MBD2: variants seen among roughly 807,000 people sequenced by gnomAD.
MBD2 encodes the protein methyl-CpG binding domain protein 2.
A neutral mutation model predicts 39.3 loss-of-function variants in MBD2; 9 were observed. The observed-to-expected ratio is 0.23, with a 90% CI of 0.14 to 0.40. The LOEUF (loss-of-function observed/expected upper bound fraction) is 0.40. Among genes scored for constraint, MBD2 ranks in the 10% least tolerant of loss-of-function variants. MBD2 has a pLI of 1.00. For synonymous variants in MBD2, 233 were observed against 211.1 expected (o/e 1.10, Z -0.90); for missense variants, 458 against 532.6 (o/e 0.86, Z 1.38).
At chr18:54,161,038 A>C (rs1145309) in intron 5 of MBD2, among the ~76,000 whole-genome samples, 8,078 of 152,182 alleles carry the variant, frequency 0.053, 684 homozygotes, top group African/African-American at 0.18. Context: ...AATTCCCAAA[A>C]CTGGGACAGC....
chr18:54,218,913 G>C (rs138312678), intron 1 of MBD2, among the ~76,000 whole-genome samples: 2,119 of 149,956 alleles, frequency 0.014, 21 homozygotes, highest in Non-Finnish European at 0.02. Context: ...AGTGAGCTGA[G>C]ATTGCACCAC....
intron 1 of MBD2, among the ~76,000 whole-genome samples, chr18:54,214,181 T>C (rs1403596659): frequency 2.7e-5 from 4 of 150,046 alleles, no homozygotes; most frequent in Non-Finnish European, 4.4e-5. Context: ...ATTTTGTTTG[T>C]TTCTTTCTTT....
At chr18:54,186,658 T>C (rs931434200) in intron 3 of MBD2, among the ~76,000 whole-genome samples, 8 of 152,262 alleles carry the variant, frequency 5.3e-5, no homozygotes, top group East Asian at 1.9e-4. Flanking sequence ...AATTCTTACA[T>C]TGATGATAAA....
At chr18:54,216,313 G>A (rs911709216) in intron 1 of MBD2, among the ~76,000 whole-genome samples, 1 of 152,184 alleles carries the variant, frequency 6.6e-6, no homozygotes, top group Admixed American at 6.6e-5. Context: ...CAGGATGCTG[G>A]TAACTGCAGC....
chr18:54,214,427 G>T (rs971313657), intron 1 of MBD2, among the ~76,000 whole-genome samples: 6 of 152,020 alleles, frequency 3.9e-5, no homozygotes, highest in Admixed American at 1.3e-4. Flanking sequence ...TCAAACTCCT[G>T]TCTTCAAGTG....
At chr18:54,220,360 A>C (rs1022516693) in intron 1 of MBD2, among the ~76,000 whole-genome samples, 1 of 152,162 alleles carries the variant, frequency 6.6e-6, no homozygotes, top group Non-Finnish European at 1.5e-5. Context: ...CACTATCAGT[A>C]ATCCTGACAG....
At chr18:54,166,226 G>A (rs909112967) in intron 3 of MBD2, 60 bp from the exon 4 acceptor site, 35 of 946,506 alleles carry the variant, frequency 3.7e-5, no homozygotes, top group East Asian at 2.7e-4. Flanking sequence ...GTAGCGCATC[G>A]ATGCTGTTGA....
intron 3 of MBD2, among the ~76,000 whole-genome samples, chr18:54,184,357 T>C (rs978643853): frequency 6.6e-6 from 1 of 152,150 alleles, no homozygotes; most frequent in African/African-American, 2.4e-5. Context: ...CTAGGTTGCA[T>C]GCTCCTTATA....
chr18:54,178,213 C>T (rs374202334), intron 3 of MBD2, among the ~76,000 whole-genome samples: 4 of 152,034 alleles, frequency 2.6e-5, no homozygotes, highest in African/African-American at 9.7e-5. Context: ...TGACATTAAT[C>T]AACCACTAGA....
chr18:54,205,241 T>A, intron 1 of MBD2, 84 bp from the exon 2 acceptor site: 1 of 1,150,806 alleles, frequency 8.7e-7, no homozygotes. Flanking sequence ...CTACCCTCAA[T>A]TGATACCCCA....
At chr18:54,215,540 G>A (rs1347521034) in intron 1 of MBD2, among the ~76,000 whole-genome samples, 1 of 148,672 alleles carries the variant, frequency 6.7e-6, no homozygotes, top group Admixed American at 6.7e-5. Context: ...CCAGGCTGGA[G>A]TGCAGTGGCG....
chr18:54,216,275 AT>A (rs1568095130), intron 1 of MBD2, among the ~76,000 whole-genome samples: 1 of 152,232 alleles, frequency 6.6e-6, no homozygotes, highest in Non-Finnish European at 1.5e-5. Context: ...CAGCTATTCA[AT>A]ATTTGTATAC....
chr18:54,196,082 CTCA>C (rs778482196), intron 2 of MBD2, among the ~76,000 whole-genome samples: 4 of 152,146 alleles, frequency 2.6e-5, no homozygotes, highest in Non-Finnish European at 4.4e-5. Context: ...TACCACAAAA[CTCA>C]TCATTTTAAA....
chr18:54,206,128 C>G (rs1039022738), intron 1 of MBD2, among the ~76,000 whole-genome samples: 4 of 152,160 alleles, frequency 2.6e-5, no homozygotes, highest in African/African-American at 9.7e-5. Context: ...TGTGAACATG[C>G]TTGTACAATG....
rs1012071009 is a variant in MBD2 at position 54,154,794 on chromosome 18, G to A, written c.*530C>T. ...TAAATCAGAGGAAGGCTAACGAGGG[G>A]TTCTTTATTGTGTGTGCTTTTCAAC... On this transcript the variant is annotated 3_prime_UTR_variant, in exon 7 of 7. Transcript: ENST00000256429. 1 of 152,620 alleles carries A rather than the reference G, an allele frequency of 6.6e-6. No individual in the cohort carries two copies. Among genetic ancestry groups the A allele is most frequent in the Non-Finnish European group, 1.5e-5 (1 of 68,044 alleles). 9.5% of individuals were successfully genotyped at this position (152,620 alleles called of 1,614,324 possible).
intron 1 of MBD2, among the ~76,000 whole-genome samples, chr18:54,219,129 G>A (rs983647331): frequency 2.6e-5 from 4 of 152,142 alleles, no homozygotes; most frequent in African/African-American, 9.7e-5. Flanking sequence ...AAATTCAAAT[G>A]CCGATTTCTC....
At chr18:54,218,490 T>C (rs987092891) in intron 1 of MBD2, among the ~76,000 whole-genome samples, 1 of 152,180 alleles carries the variant, frequency 6.6e-6, no homozygotes, top group African/African-American at 2.4e-5. Flanking sequence ...AGAATACAAG[T>C]AGGGATCTCT....
intron 3 of MBD2, among the ~76,000 whole-genome samples, chr18:54,168,827 A>T (rs1599078783): frequency 6.6e-6 from 1 of 151,978 alleles, no homozygotes; most frequent in East Asian, 1.9e-4. Context: ...ATTTCACTGA[A>T]AACTGAAACA....
intron 3 of MBD2, among the ~76,000 whole-genome samples, chr18:54,177,541 C>T (rs1403722794): frequency 6.6e-6 from 1 of 151,482 alleles, no homozygotes; most frequent in African/African-American, 2.4e-5. Flanking sequence ...AGTGCAGTGG[C>T]GCGATCTCGG....
Sources: allele counts gnomAD v4.1 joint callset (sites outside exome capture counted in the v4.1 genomes callset), GRCh38; gene constraint gnomAD v4.1.1; transcripts MANE v1.5; gene names NCBI Gene and HGNC (gene_info 2026-07-23, HGNC 2026-07-21).